The following KALRN variants were observed in gnomAD, a reference collection of about 807,000 sequenced individuals.
KALRN encodes kalirin.
Under a neutral mutation model 353.7 loss-of-function variants are expected in KALRN, and 70 were observed. That is an observed-to-expected ratio of 0.20 (90% CI 0.16 to 0.24). The LOEUF (loss-of-function observed/expected upper bound fraction) is 0.24, where lower values mean the gene tolerates loss of function less well. Among genes scored for constraint, KALRN ranks in the 10% least tolerant of loss-of-function variants. The pLI, the probability that KALRN is intolerant of heterozygous loss-of-function variation, is 1.00. For missense variants in KALRN, 2,791 were observed against 3,756.7 expected, an observed-to-expected ratio of 0.74 and a Z score of 6.72; for synonymous variants, 1,391 against 1,434.8, an observed-to-expected ratio of 0.97 and a Z score of 0.69.
intron 10 of KALRN, among the ~76,000 whole-genome samples, chr3:124,365,457 G>C (rs1560689685): frequency 6.6e-6 from 1 of 152,288 alleles, no homozygotes; most frequent in Admixed American, 6.5e-5. Context: ...CTCTAGAGCA[G>C]CCGTGTGCCT....
At chr3:124,049,035 C>A (rs2040788237) in intron 1 of KALRN, among the ~76,000 whole-genome samples, 1 of 152,156 alleles carries the variant, frequency 6.6e-6, no homozygotes, top group Non-Finnish European at 1.5e-5. Context: ...GAAGAACAAC[C>A]AGTCCCTGTT....
chr3:124,653,922 C>G (rs904913004), intron 38 of KALRN, among the ~76,000 whole-genome samples: 1 of 152,210 alleles, frequency 6.6e-6, no homozygotes, highest in Non-Finnish European at 1.5e-5. Context: ...TTTAATACGT[C>G]ATGGTCTCCT....
At chr3:124,257,241 A>C (rs575628789) in intron 3 of KALRN, among the ~76,000 whole-genome samples, 1 of 152,214 alleles carries the variant, frequency 6.6e-6, no homozygotes, top group Non-Finnish European at 1.5e-5. Context: ...GTGAGTTTTT[A>C]TCATTAAACT....
intron 5 of KALRN, among the ~76,000 whole-genome samples, chr3:124,282,333 C>T (rs1044973430): frequency 6.6e-6 from 1 of 150,438 alleles, no homozygotes; most frequent in African/African-American, 2.4e-5. Context: ...TTACTAAAAA[C>T]ATTATCATGT....
At chr3:124,370,228 T>C (rs1290366164) in intron 10 of KALRN, among the ~76,000 whole-genome samples, 1 of 151,894 alleles carries the variant, frequency 6.6e-6, no homozygotes, top group African/African-American at 2.4e-5. Context: ...CCCTTTAAGA[T>C]TTTTTTTATG....
chr3:124,219,878 C>G (rs1483051513), intron 1 of KALRN, among the ~76,000 whole-genome samples: 1 of 151,392 alleles, frequency 6.6e-6, no homozygotes, highest in Non-Finnish European at 1.5e-5. Context: ...GCCTCTCTCT[C>G]TCTCTCTCTG....
At chr3:124,701,897 C>G in intron 56 of KALRN, 141 bp from the exon 57 acceptor site, 3 of 604,462 alleles carry the variant, frequency 5.0e-6, no homozygotes, top group Non-Finnish European at 8.8e-6. Flanking sequence ...TCCAGAGAAT[C>G]ATGGCATTTT....
chr3:124,693,640 G>GT (rs754945989), intron 51 of KALRN, among the ~76,000 whole-genome samples, 164 bp from the exon 52 acceptor site: 7 of 152,160 alleles, frequency 4.6e-5, no homozygotes, highest in Non-Finnish European at 1.0e-4. Flanking sequence ...CTAAAGAGAG[G>GT]TTTTACTAAT....
At chr3:124,518,384 G>A in intron 33 of KALRN, 2 of 1,609,444 alleles carry the variant, frequency 1.2e-6, no homozygotes, top group Middle Eastern at 1.7e-4. Flanking sequence ...ACAGAGCCCG[G>A]CCCTTTTCTT....
chr3:124,328,098 T>C (rs967008911), intron 7 of KALRN, among the ~76,000 whole-genome samples: 3 of 152,334 alleles, frequency 2.0e-5, no homozygotes. Context: ...TCTTTTTATT[T>C]CCTCCATTTG....
chr3:124,406,797 T>C (rs1440158699), intron 13 of KALRN, among the ~76,000 whole-genome samples: 1 of 151,826 alleles, frequency 6.6e-6, no homozygotes, highest in Non-Finnish European at 1.5e-5. Flanking sequence ...TTTTACTAAC[T>C]TTACTAATTG....
chr3:124,340,009 C>T (rs1313846255), intron 9 of KALRN, among the ~76,000 whole-genome samples: 1 of 152,100 alleles, frequency 6.6e-6, no homozygotes, highest in African/African-American at 2.4e-5. Flanking sequence ...AGGAAGTTTT[C>T]AAATTATATG....
intron 43 of KALRN, among the ~76,000 whole-genome samples, chr3:124,660,593 A>G (rs548154486): frequency 6.6e-6 from 1 of 150,794 alleles, no homozygotes; most frequent in South Asian, 2.1e-4. Context: ...AGGCAGGAGA[A>G]TCGCTTGAAC....
intron 3 of KALRN, among the ~76,000 whole-genome samples, chr3:124,255,529 T>A (rs1324630185): frequency 6.6e-6 from 1 of 152,196 alleles, no homozygotes; most frequent in Non-Finnish European, 1.5e-5. Flanking sequence ...GATAATATGG[T>A]GCATTTATGT....
intron 14 of KALRN, among the ~76,000 whole-genome samples, chr3:124,414,274 A>T (rs2092372241): frequency 6.6e-6 from 1 of 152,156 alleles, no homozygotes; most frequent in African/African-American, 2.4e-5. Flanking sequence ...TGGAAAAACA[A>T]ACCAGAAGCA....
At chr3:124,565,142 G>A (rs999931115) in intron 34 of KALRN, among the ~76,000 whole-genome samples, 21 of 152,184 alleles carry the variant, frequency 1.4e-4, no homozygotes, top group African/African-American at 5.1e-4. Flanking sequence ...GCAGCAGCAG[G>A]CTGAATTGTT....
Position 124,061,932 on chromosome 3 carries a change from G to A in KALRN, c.73+28119G>A, listed in dbSNP as rs533275564. ...AGACTATTTATTTAGAACAACAGAA[G>A]AGCAGTTATTTTACTTTCTAAGACT... is the stretch of plus-strand genomic sequence containing the variant. On this transcript the variant is annotated intron_variant, in intron 1 of 59. Transcript: ENST00000682506. 2.4e-4 allele frequency among the ~76,000 whole-genome samples: 20 copies of A among 81,712 alleles called. No homozygotes were observed. In the Middle Eastern group the frequency reaches 0.019, roughly 76 times the overall value. 53.6% of individuals were successfully genotyped at this position (81,712 alleles called of 152,430 possible).
At chr3:124,306,447 A>G (rs1261720185) in intron 6 of KALRN, among the ~76,000 whole-genome samples, 3 of 86,566 alleles carry the variant, frequency 3.5e-5, no homozygotes, top group Non-Finnish European at 1.2e-4. Flanking sequence ...TGAAGAACAG[A>G]GAGAAAAAAG....
chr3:124,158,245 G>A (rs1028400404), intron 1 of KALRN, among the ~76,000 whole-genome samples: 7 of 152,138 alleles, frequency 4.6e-5, no homozygotes, highest in African/African-American at 1.7e-4. Flanking sequence ...GCCTCCTCTG[G>A]GCTTCTGCCT....
Sources: allele counts gnomAD v4.1 joint callset (sites outside exome capture counted in the v4.1 genomes callset), GRCh38; gene constraint gnomAD v4.1.1; transcripts MANE v1.5; gene names NCBI Gene and HGNC (gene_info 2026-07-23, HGNC 2026-07-21).